Variants in EPHA5 observed in about 807,000 individuals in gnomAD.
EPHA5 encodes the protein ephrin type-A receptor 5.
A neutral mutation model predicts 105.0 loss-of-function variants in EPHA5; 60 were observed. The ratio of observed to expected loss-of-function variants is 0.57; its 90% CI spans 0.46 to 0.71. The LOEUF is 0.71. Ranked by LOEUF, EPHA5 falls within the 30% of genes least tolerant of loss-of-function variation. The pLI is 0.00. For synonymous variants in EPHA5, 513 were observed against 449.1 expected (o/e 1.14, Z -1.80); for missense variants, 1,218 against 1,274.7 (o/e 0.96, Z 0.68).
intron 5 of EPHA5, among the ~76,000 whole-genome samples, chr4:65,433,791 C>G (rs1166640602): frequency 6.6e-6 from 1 of 152,118 alleles, no homozygotes; most frequent in Non-Finnish European, 1.5e-5. Context: ...CTTGGCTGGG[C>G]GCAGTGGCTC....
chr4:65,542,211 G>A lies in EPHA5; in HGVS notation c.911-46668C>T, dbSNP rs62300366. Among the ~76,000 whole-genome samples, 865 of 151,970 alleles carry A rather than the reference G, an allele frequency of 5.7e-3. 5 individuals carry two copies. Among genetic ancestry groups the A allele is most frequent in the Admixed American group, 9.2e-3 (140 of 15,196 alleles). ...CCAGAGCAAACAAATCAAAAAGCTA[G>A]CAGAAGATAAGAAATAACTGAGATC... On this transcript the variant is annotated intron_variant, in intron 3 of 16. Coordinates refer to ENST00000613740, the MANE Select transcript of EPHA5 (RefSeq NM_001281766.3).
At chr4:65,550,994 T>C (rs1737840501) in intron 3 of EPHA5, among the ~76,000 whole-genome samples, 1 of 151,888 alleles carries the variant, frequency 6.6e-6, no homozygotes, top group Non-Finnish European at 1.5e-5. Flanking sequence ...GCTATGTATT[T>C]GTGCATTATA....
At chr4:65,574,653 C>CACATATATAT (rs1740642051) in intron 3 of EPHA5, among the ~76,000 whole-genome samples, 1 of 72,122 alleles carries the variant, frequency 1.4e-5, no homozygotes, top group African/African-American at 5.0e-5. Context: ...CATATATATA[C>CACATATATAT]ACATATATAT....
At chr4:65,400,277 T>C (rs1055929239) in intron 8 of EPHA5, among the ~76,000 whole-genome samples, 4 of 152,186 alleles carry the variant, frequency 2.6e-5, no homozygotes, top group Non-Finnish European at 5.9e-5. Context: ...AATTTCAATA[T>C]GCTGTGCATA....
intron 8 of EPHA5, chr4:65,377,191 C>A: frequency 4.0e-6 from 3 of 754,794 alleles, no homozygotes; most frequent in Non-Finnish European, 5.8e-6. Context: ...TAAATGCATA[C>A]AATTAATTTT....
At chr4:65,651,163 C>T (rs984738814) in intron 1 of EPHA5, among the ~76,000 whole-genome samples, 1 of 152,098 alleles carries the variant, frequency 6.6e-6, no homozygotes, top group African/African-American at 2.4e-5. Flanking sequence ...ATACAGTCAT[C>T]GAGAGAAAAT....
chr4:65,376,354 G>A (rs994772130), intron 8 of EPHA5, among the ~76,000 whole-genome samples: 2 of 151,994 alleles, frequency 1.3e-5, no homozygotes, highest in South Asian at 2.1e-4. Context: ...GTGAATAATC[G>A]TAACCCCAGA....
rs565783360 is a variant in EPHA5, at chr4:65,326,225, G to A, written c.2946-2006C>T. ...TCCTTTTATGGATGAGGAAACAAAG[G>A]CTTAGATAATTTGAATTACTTAGCT... On this transcript the variant is annotated intron_variant, in intron 16 of 16. Transcript: ENST00000613740. 3.0e-4 allele frequency among the ~76,000 whole-genome samples: 46 copies of A among 150,940 alleles called. 1 individual carries two copies. The highest frequency in any genetic ancestry group is 1.1e-3 in the African/African-American group (44 of 41,340).
chr4:65,393,968 T>C (rs1446019073), intron 8 of EPHA5, among the ~76,000 whole-genome samples: 2 of 152,152 alleles, frequency 1.3e-5, no homozygotes, highest in East Asian at 1.9e-4. Context: ...TCTACTGGGG[T>C]GACAGATACA....
At chr4:65,513,410 G>A (rs1384393336) in intron 3 of EPHA5, among the ~76,000 whole-genome samples, 1 of 151,894 alleles carries the variant, frequency 6.6e-6, no homozygotes, top group Non-Finnish European at 1.5e-5. Context: ...TTTCTGAGTT[G>A]GAGTCTCGCT....
rs5858980 is a variant in EPHA5 at position 65,659,319 on chromosome 4, GAAAAAAAAAAAAAAAAAAAAAA to G, written c.181+10221_181+10242del. Among the ~76,000 whole-genome samples, 9 of 71,610 alleles carry G rather than the reference GAAAAAAAAAAAAAAAAAAAAAA, an allele frequency of 1.3e-4. 1 individual carries two copies. Among genetic ancestry groups the G allele is most frequent in the South Asian group, 1.2e-3 (2 of 1,692 alleles). 47.0% of individuals were successfully genotyped at this position (71,610 alleles called of 152,430 possible). ...GGATTGTTTATATACTAGAGTAACA[GAAAAAAAAAAAAAAAAAAAAAA>G]AAAAAAAAAAAAAAAAACAGGAAAG... On this transcript the variant is annotated intron_variant, in intron 1 of 16. Coordinates refer to ENST00000613740, the MANE Select transcript of EPHA5 (RefSeq NM_001281766.3).
chr4:65,490,827 A>G (rs755009204), intron 4 of EPHA5, 115 bp from the exon 5 acceptor site: 7 of 1,100,196 alleles, frequency 6.4e-6, no homozygotes, highest in Non-Finnish European at 9.0e-6. Context: ...AAGTCCTTTA[A>G]GTCATAATTT....
intron 3 of EPHA5, among the ~76,000 whole-genome samples, chr4:65,580,018 A>C (rs1689280512): frequency 6.6e-6 from 1 of 151,970 alleles, no homozygotes; most frequent in Non-Finnish European, 1.5e-5. Flanking sequence ...CTGATGGTAA[A>C]TATGCATACA....
intron 3 of EPHA5, among the ~76,000 whole-genome samples, chr4:65,538,332 G>C (rs1363613857): frequency 6.6e-6 from 1 of 151,750 alleles, no homozygotes; most frequent in Non-Finnish European, 1.5e-5. Flanking sequence ...CAGCAAAAAT[G>C]TTTAGGGTAA....
At chr4:65,360,228 T>A (rs1389737602) in intron 11 of EPHA5, among the ~76,000 whole-genome samples, 1 of 151,764 alleles carries the variant, frequency 6.6e-6, no homozygotes, top group Non-Finnish European at 1.5e-5. Flanking sequence ...GTTCATTTAA[T>A]TTCTGTCTCC....
chr4:65,583,918 A>T (rs1283709503), intron 3 of EPHA5, among the ~76,000 whole-genome samples: 1 of 151,616 alleles, frequency 6.6e-6, no homozygotes, highest in African/African-American at 2.4e-5. Flanking sequence ...TTAAACATTA[A>T]ATTAAATTTA....
chr4:65,504,265 A>C (rs1241804561), intron 3 of EPHA5, among the ~76,000 whole-genome samples: 1 of 151,250 alleles, frequency 6.6e-6, no homozygotes, highest in East Asian at 1.9e-4. Flanking sequence ...TTTGGTAAAA[A>C]TTTATTATGT....
intron 3 of EPHA5, among the ~76,000 whole-genome samples, chr4:65,544,157 T>C (rs1394848397): frequency 3.9e-5 from 6 of 152,018 alleles, no homozygotes; most frequent in Admixed American, 3.9e-4. Flanking sequence ...ATTCAGAACA[T>C]AGGCATAGGC....
At chr4:65,467,743 A>G (rs1242345260) in intron 5 of EPHA5, among the ~76,000 whole-genome samples, 1 of 152,200 alleles carries the variant, frequency 6.6e-6, no homozygotes, top group Non-Finnish European at 1.5e-5. Flanking sequence ...GACAAATGGG[A>G]ATTAAAGTTG....
Sources: allele counts gnomAD v4.1 joint callset (sites outside exome capture counted in the v4.1 genomes callset), GRCh38; gene constraint gnomAD v4.1.1; transcripts MANE v1.5; gene names NCBI Gene and HGNC (gene_info 2026-07-23, HGNC 2026-07-21).